RELB: variants seen among roughly 807,000 people sequenced by gnomAD.
RELB encodes RELB proto-oncogene, NF-kB subunit.
A neutral mutation model predicts 55.4 loss-of-function variants in RELB; 14 were observed. That is an observed-to-expected ratio of 0.25 (90% confidence interval 0.17 to 0.40). The LOEUF (loss-of-function observed/expected upper bound fraction) is 0.40. Ranked by LOEUF, RELB falls within the 10% of genes least tolerant of loss-of-function variation. The pLI is 1.00. For synonymous variants in RELB, 409 were observed against 371.3 expected (o/e 1.10, Z -1.17); for missense variants, 669 against 830.7 (o/e 0.81, Z 2.39).
chr19:45,023,364 T>C (rs920524671), intron 5 of RELB, among the ~76,000 whole-genome samples: 1 of 151,272 alleles, frequency 6.6e-6, no homozygotes, highest in African/African-American at 2.4e-5. Context: ...AACAAAGGCA[T>C]CTTCATTGGT....
intron 2 of RELB, among the ~76,000 whole-genome samples, chr19:45,008,937 C>G (rs1971316187): frequency 1.3e-5 from 2 of 152,154 alleles, no homozygotes; most frequent in Non-Finnish European, 2.9e-5. Flanking sequence ...AAGGGGCTTC[C>G]CTGAGGACCC....
chr19:45,008,755 C>A, intron 2 of RELB: 1 of 328,056 alleles, frequency 3.0e-6, no homozygotes, highest in Non-Finnish European at 6.2e-6. Flanking sequence ...CAGAGACCAG[C>A]GCAGGCAGCC....
chr19:45,003,915 G>GGTTTTTTTTTT (rs1405162566), intron 2 of RELB, among the ~76,000 whole-genome samples: 1 of 63,574 alleles, frequency 1.6e-5, no homozygotes. Flanking sequence ...TGTTTTTTGT[G>GGTTTTTTTTTT]TTTTTTTTTT....
chr19:45,035,079 T>C (rs1464528930), intron 11 of RELB, among the ~76,000 whole-genome samples: 1 of 151,712 alleles, frequency 6.6e-6, no homozygotes, highest in Non-Finnish European at 1.5e-5. Flanking sequence ...TGACCTCAGG[T>C]GATCTGCTTG....
chr19:45,001,839 G>A (rs1447145080), intron 1 of RELB, among the ~76,000 whole-genome samples, 154 bp downstream of exon 1: 1 of 152,200 alleles, frequency 6.6e-6, no homozygotes, highest in Non-Finnish European at 1.5e-5. Context: ...TAGGGCGTAG[G>A]AAGAAGGCAG....
chr19:45,011,174 A>T lies in RELB; in HGVS notation c.164-762A>T, dbSNP rs190971274. Among the ~76,000 whole-genome samples, 656 of 144,108 alleles carry T rather than the reference A, an allele frequency of 4.6e-3. 11 individuals carry two copies. Among genetic ancestry groups the T allele is most frequent in the African/African-American group, 0.016 (631 of 38,600 alleles). 94.5% of individuals were successfully genotyped at this position (144,108 alleles called of 152,430 possible). A position where few individuals can be genotyped will look rare whatever the true frequency, so the allele number is the denominator to read the frequency against. ...GCCTATTTATTTATTTATTATTATTATTTTTTGAGATGGAGTCTTGCTCTG... is the reference window on the plus strand; with the variant it reads ...GCCTATTTATTTATTTATTATTATTTTTTTTTGAGATGGAGTCTTGCTCTG... On this transcript the variant is annotated intron_variant, in intron 3 of 11. Coordinates refer to ENST00000221452, the MANE Select transcript of RELB (RefSeq NM_006509.4).
At position 45,037,508 on chromosome 19, in the gene RELB, C is replaced by A. The variant is rs77076601; in HGVS notation, c.1458C>A (p.Asp486Glu). 1.2e-6 allele frequency: 2 copies of A among 1,613,040 alleles called. No individual in the cohort carries two copies. The highest frequency in any genetic ancestry group is 8.5e-7 in the Non-Finnish European group (1 of 1,179,752). The part of the protein sequence containing the change: ...LEPPGGPDLL[D>E]DGFAYDPTAP... ...CCCCTGGCGGGCCTGACCTCCTGGACGATGGCTTTGCCTACGACCCTACGG... is the reference window on the plus strand; with the variant it reads ...CCCCTGGCGGGCCTGACCTCCTGGAAGATGGCTTTGCCTACGACCCTACGG... The change falls in exon 12 of 12, where the codon GAC becomes GAA. Residue 486 changes from aspartate (D) to glutamate (E), a missense_variant. Asp to Glu is a conservative substitution (Grantham distance 45, BLOSUM62 2). Transcript: ENST00000221452.
In RELB at chr19:45,037,866, G is replaced by A. The variant is rs1971717948; in HGVS notation, c.*76G>A. 3.6e-6 allele frequency: 5 copies of A among 1,383,328 alleles called. No individual in the cohort carries two copies. The highest frequency in any genetic ancestry group is 2.7e-5 in the Admixed American group (1 of 36,468). The allele number at this position is 1,383,328 out of a possible 1,614,324, so 85.7% of individuals were successfully genotyped here. A position where few individuals can be genotyped will look rare whatever the true frequency, so the allele number is the denominator to read the frequency against. ...CGTGCAATCCCAACCAGGATGTCTA[G>A]CACCCCCATCCCCTTGGCCCTTCCT... On this transcript the variant is annotated 3_prime_UTR_variant, in exon 12 of 12. Coordinates refer to ENST00000221452, the MANE Select transcript of RELB (RefSeq NM_006509.4).
chr19:45,007,549 C>T (rs1971296818), intron 2 of RELB, among the ~76,000 whole-genome samples: 1 of 152,124 alleles, frequency 6.6e-6, no homozygotes, highest in South Asian at 2.1e-4. Flanking sequence ...TGTGACTCTA[C>T]ACTCCATGCT....
chr19:45,028,824 AG>A, intron 7 of RELB, 63 bp from the exon 8 acceptor site: 1 of 1,402,476 alleles, frequency 7.1e-7, no homozygotes, highest in South Asian at 1.2e-5. Context: ...GTGCCCAGTA[AG>A]GCTTTGGTGA....
chr19:45,007,075 G>A (rs540475369), intron 2 of RELB, among the ~76,000 whole-genome samples: 40 of 152,202 alleles, frequency 2.6e-4, no homozygotes, highest in African/African-American at 7.5e-4. Context: ...AGGATGTGAC[G>A]TTTGACCAAG....
At chr19:45,027,073 C>CA (rs949733377) in intron 7 of RELB, among the ~76,000 whole-genome samples, 42 of 148,216 alleles carry the variant, frequency 2.8e-4, no homozygotes, top group African/African-American at 5.9e-4. Flanking sequence ...ACTAAAAATC[C>CA]AAAAAAAAAA....
In RELB at chr19:45,022,037, A is replaced by G. The variant is rs1971495291; in HGVS notation, c.505-16A>G. ...ATCGGTGATGGGACCCCCAAAGAGG[A>G]CTTCTCTTCCTGCAGCTCCGGGATT... is the stretch of plus-strand genomic sequence containing the variant. On this transcript the variant is annotated splice_polypyrimidine_tract_variant and intron_variant, in intron 4 of 11. Transcript: ENST00000221452. 1.3e-6 allele frequency: 2 copies of G among 1,599,508 alleles called. No homozygotes were observed. Among genetic ancestry groups the G allele is most frequent in the Non-Finnish European group, 8.5e-7 (1 of 1,172,140 alleles).
At position 45,032,741 on chromosome 19, in the gene RELB, G is replaced by C. The variant is rs775189147; in HGVS notation, c.1199G>C (p.Arg400Pro). Residue 400 changes from arginine to proline, a missense_variant, in exon 9 of 12, where the codon CGC (arginine) becomes CCC (proline). Physicochemically the swap from Arg to Pro is moderately radical, Grantham distance 103 (BLOSUM62 -2). Around this residue, in one of 3 missense-constraint regions of RELB, gnomAD observed 341 missense variants for 436.8 expected, o/e 0.78. Transcript: ENST00000221452. ...SEPLPFTYLP[R>P]DHDSYGVDKK... Reference sequence around the variant, plus strand: ...CCATTGCCTTTCACGTACCTGCCTCGCGACCATGGTAACTACAGCAACCCA... The same window carrying C: ...CCATTGCCTTTCACGTACCTGCCTCCCGACCATGGTAACTACAGCAACCCA... The C allele has an allele frequency of 6.2e-7, 1 of 1,604,060 alleles. No homozygotes were observed. The highest frequency in any genetic ancestry group is 1.3e-5 in the African/African-American group (1 of 74,718).
At chr19:45,003,314 A>G (rs1350234162) in intron 2 of RELB, among the ~76,000 whole-genome samples, 5 of 151,958 alleles carry the variant, frequency 3.3e-5, no homozygotes, top group Non-Finnish European at 7.4e-5. Context: ...TACTGAAAAT[A>G]CAAAAACAAA....
chr19:45,019,913 T>C (rs187571125), intron 4 of RELB, among the ~76,000 whole-genome samples: 1 of 150,534 alleles, frequency 6.6e-6, no homozygotes, highest in Non-Finnish European at 1.5e-5. Context: ...CCGACCTCAG[T>C]TGATCCACCC....
intron 4 of RELB, among the ~76,000 whole-genome samples, chr19:45,012,777 G>A (rs1971378500): frequency 6.6e-6 from 1 of 151,502 alleles, no homozygotes; most frequent in African/African-American, 2.4e-5. Context: ...ATCGTGGTGC[G>A]GTGGCTCAGG....
At chr19:45,024,489 G>A (rs1971533202) in intron 5 of RELB, among the ~76,000 whole-genome samples, 1 of 151,792 alleles carries the variant, frequency 6.6e-6, no homozygotes. Context: ...AGATGAAGTT[G>A]GCCAGTGTTC....
chr19:45,011,859 G>C lies in RELB; in HGVS notation c.164-77G>C, dbSNP rs548996849. 482 of 865,572 alleles carry C rather than the reference G, an allele frequency of 5.6e-4. 3 individuals are homozygous for C. In the African/African-American group the frequency reaches 8.3e-3, roughly 15 times the overall value. The allele number at this position is 865,572 out of a possible 1,614,324, so 53.6% of individuals were successfully genotyped here. On this transcript the variant is annotated intron_variant, in intron 3 of 11. Coordinates refer to ENST00000221452, the MANE Select transcript of RELB (RefSeq NM_006509.4). ...GATAAATGGGATGGAAAACGTCTCG[G>C]GGGTAATCAAGCCTTTTTTTTTTTT...
Sources: gnomAD v4.1 joint callset for allele counts (sites outside exome capture counted in the v4.1 genomes callset) on GRCh38, gnomAD v4.1.1 for gene constraint, gnomAD v4.1.1 regional missense constraint, MANE v1.5 for transcripts, NCBI Gene and HGNC (gene_info 2026-07-23, HGNC 2026-07-21) for gene names.